Variants in KDM4C observed in about 807,000 individuals in gnomAD.
The protein encoded by KDM4C is lysine-specific demethylase 4C.
Under a neutral mutation model 129.3 loss-of-function variants are expected in KDM4C, and 81 were observed. The ratio of observed to expected loss-of-function variants is 0.63; its 90% CI spans 0.52 to 0.75. The LOEUF is 0.75. Ranked by LOEUF, KDM4C falls within the 30% of genes least tolerant of loss-of-function variation. The pLI is 0.00. For synonymous variants in KDM4C, 573 were observed against 456.1 expected (o/e 1.26, Z -3.26); for missense variants, 1,457 against 1,304.0 (o/e 1.12, Z -1.81).
At chr9:6,872,385 C>G (rs377090386) in intron 5 of KDM4C, among the ~76,000 whole-genome samples, 60 of 152,190 alleles carry the variant, frequency 3.9e-4, no homozygotes, top group African/African-American at 6.5e-4. Flanking sequence ...TCTATTAGGT[C>G]CACTTGGTCC....
chr9:6,797,221 A>G (rs1827914973), intron 2 of KDM4C, among the ~76,000 whole-genome samples: 2 of 152,030 alleles, frequency 1.3e-5, no homozygotes. Context: ...TCCTGAGCTC[A>G]AGTGCTTCTC....
chr9:7,054,735 T>G (rs1830640731), intron 17 of KDM4C, among the ~76,000 whole-genome samples: 1 of 152,228 alleles, frequency 6.6e-6, no homozygotes, highest in South Asian at 2.1e-4. Context: ...TTCCTGCAGC[T>G]TAAATTAATT....
chr9:6,781,820 ATTTT>A (rs771374868), intron 1 of KDM4C, among the ~76,000 whole-genome samples: 2 of 142,424 alleles, frequency 1.4e-5, no homozygotes, highest in Non-Finnish European at 3.1e-5. Flanking sequence ...GTTATAAATA[ATTTT>A]TTTTTTTTTT....
At chr9:6,864,596 A>C (rs1019604444) in intron 5 of KDM4C, among the ~76,000 whole-genome samples, 1 of 151,464 alleles carries the variant, frequency 6.6e-6, no homozygotes, top group East Asian at 2.0e-4. Context: ...TCAGCCCTCC[A>C]TAGCTGGGAT....
At chr9:6,993,765 C>T (rs1563949771) in intron 12 of KDM4C, among the ~76,000 whole-genome samples, 1 of 152,274 alleles carries the variant, frequency 6.6e-6, no homozygotes, top group East Asian at 1.9e-4. Flanking sequence ...GTATTTCTTT[C>T]TTTCTTTGTT....
At chr9:6,871,932 T>G (rs565005053) in intron 5 of KDM4C, among the ~76,000 whole-genome samples, 1 of 152,276 alleles carries the variant, frequency 6.6e-6, no homozygotes, top group African/African-American at 2.4e-5. Context: ...AATATACAAT[T>G]GAAGGGCTCT....
chr9:7,101,373 A>G (rs1398502668), intron 17 of KDM4C, among the ~76,000 whole-genome samples: 1 of 152,172 alleles, frequency 6.6e-6, no homozygotes, highest in Admixed American at 6.5e-5. Flanking sequence ...ACAAATGAAA[A>G]TGGGGGTCTG....
intron 12 of KDM4C, among the ~76,000 whole-genome samples, chr9:7,004,248 G>A (rs953615873): frequency 1.2e-4 from 19 of 152,170 alleles, no homozygotes; most frequent in African/African-American, 4.6e-4. Context: ...CAAAGATACT[G>A]TCCTGAGTGA....
intron 1 of KDM4C, among the ~76,000 whole-genome samples, chr9:6,783,382 T>A (rs1383772702): frequency 1.3e-5 from 2 of 152,198 alleles, no homozygotes; most frequent in South Asian, 4.1e-4. Context: ...TGTTAAGTTT[T>A]AGATTCATTA....
At position 7,028,283 on chromosome 9, in the gene KDM4C, A is replaced by G. The variant is rs115563723; in HGVS notation, c.2259+12354A>G. Among the ~76,000 whole-genome samples the G allele has an allele frequency of 6.2e-3, 939 of 151,972 alleles. 13 individuals are homozygous for G. The highest frequency in any genetic ancestry group is 0.02 in the African/African-American group (825 of 41,438). On this transcript the variant is annotated intron_variant, in intron 15 of 21. Coordinates refer to ENST00000381309, the MANE Select transcript of KDM4C (RefSeq NM_015061.6). Reference sequence around the variant, plus strand: ...ATCACTGCTGGTTATTCAGGGCTCAAGGGCTGTTTAGTCAGCAGATGATGG... The same window carrying G: ...ATCACTGCTGGTTATTCAGGGCTCAGGGGCTGTTTAGTCAGCAGATGATGG...
chr9:6,878,224 AG>A (rs1217545780), intron 5 of KDM4C, among the ~76,000 whole-genome samples: 1 of 152,168 alleles, frequency 6.6e-6, no homozygotes, highest in African/African-American at 2.4e-5. Flanking sequence ...ATTGGAAGGA[AG>A]TTTTCATCCT....
Position 6,888,017 on chromosome 9 carries a change from T to G in KDM4C, c.737T>G (p.Leu246Trp). 1 of 1,610,996 alleles carries G rather than the reference T, an allele frequency of 6.2e-7. No individual in the cohort carries two copies. Among genetic ancestry groups the G allele is most frequent in the Non-Finnish European group, 8.5e-7 (1 of 1,177,634 alleles). Residue 246 changes from leucine to tryptophan, a missense_variant, in exon 7 of 22, where the codon TTG (leucine) becomes TGG (tryptophan). Leu to Trp is a moderately conservative substitution (Grantham distance 61). Transcript: ENST00000381309. ...GCATTTCTTCGCCACAAGATGACAT[T>G]GATTTCTCCATCAGTATTGAAGAAA... ...CDAFLRHKMTLISPSVLKKYG... is the reference protein window; with the variant it reads ...CDAFLRHKMTWISPSVLKKYG...
At chr9:6,738,507 C>A (rs971648441) in intron 1 of KDM4C, among the ~76,000 whole-genome samples, 1 of 152,156 alleles carries the variant, frequency 6.6e-6, no homozygotes, top group Admixed American at 6.5e-5. Context: ...GATCAGAGGT[C>A]ACTGGAGTCT....
chr9:6,872,577 G>A (rs1156449126), intron 5 of KDM4C, among the ~76,000 whole-genome samples: 2 of 152,146 alleles, frequency 1.3e-5, no homozygotes, highest in African/African-American at 4.8e-5. Context: ...TATATATTTA[G>A]GAGTTCGCTC....
At chr9:6,818,043 G>A (rs532957100) in intron 4 of KDM4C, among the ~76,000 whole-genome samples, 6 of 152,242 alleles carry the variant, frequency 3.9e-5, no homozygotes, top group Non-Finnish European at 8.8e-5. Flanking sequence ...GGGATTACAG[G>A]TGTGAGCCAC....
chr9:7,073,333 C>A (rs1833465068), intron 17 of KDM4C, among the ~76,000 whole-genome samples: 1 of 152,200 alleles, frequency 6.6e-6, no homozygotes, highest in Admixed American at 6.5e-5. Flanking sequence ...GATGTTAGCA[C>A]AATGGTTGGC....
In KDM4C at chr9:7,093,628, G is replaced by T. The variant is rs537026422; in HGVS notation, c.2425-10057G>T. Among the ~76,000 whole-genome samples, 386 of 152,220 alleles carry T rather than the reference G, an allele frequency of 2.5e-3. 3 individuals carry two copies. The highest frequency in any genetic ancestry group is 8.9e-3 in the African/African-American group (371 of 41,524). ...CTCCTTTGGCAGTTTTTGGTAAAGCGTATGGACCTCTTGTCAGAAAAATAC... is the reference window on the plus strand; with the variant it reads ...CTCCTTTGGCAGTTTTTGGTAAAGCTTATGGACCTCTTGTCAGAAAAATAC... On this transcript the variant is annotated intron_variant, in intron 17 of 21. Transcript: ENST00000381309.
At chr9:7,131,604 C>G (rs1012524669) in intron 19 of KDM4C, among the ~76,000 whole-genome samples, 1 of 152,146 alleles carries the variant, frequency 6.6e-6, no homozygotes, top group African/African-American at 2.4e-5. Context: ...AGGCATGAGC[C>G]ACGGTGCCCA....
intron 1 of KDM4C, among the ~76,000 whole-genome samples, chr9:6,731,724 A>G (rs1390432341): frequency 6.6e-6 from 1 of 152,122 alleles, no homozygotes; most frequent in Non-Finnish European, 1.5e-5. Flanking sequence ...GTTTAAAAAA[A>G]TTATCCCTTT....
Sources: allele counts gnomAD v4.1 joint callset (sites outside exome capture counted in the v4.1 genomes callset), GRCh38; gene constraint gnomAD v4.1.1; transcripts MANE v1.5; gene names NCBI Gene and HGNC (gene_info 2026-07-23, HGNC 2026-07-21).